SLC25A26: variants seen among roughly 807,000 people sequenced by gnomAD.
SLC25A26 encodes solute carrier family 25 member 26, also known as mitochondrial S-adenosylmethionine carrier protein.
Under a neutral mutation model 37.8 loss-of-function variants are expected in SLC25A26, and 36 were observed. The ratio of observed to expected loss-of-function variants is 0.95; its 90% CI spans 0.73 to 1.26. The LOEUF is 1.26. Among genes scored for constraint, SLC25A26 ranks in the 50% most tolerant of loss-of-function variants. The pLI is 0.00. For missense variants in SLC25A26, 390 were observed against 331.1 expected, an observed-to-expected ratio of 1.18 and a Z score of -1.38; for synonymous variants, 129 against 122.5, an observed-to-expected ratio of 1.05 and a Z score of -0.35.
At position 66,209,900 on chromosome 3, in the gene SLC25A26, A is replaced by ATATT. The variant is rs1553656265; in HGVS notation, c.-353-10839_-353-10838insTTAT. ...TACTCCTCTCTCTCTCTCTCTATTT[A>ATATT]TATATATATATATATATATATATAT... On this transcript the variant is annotated intron_variant, in intron 1 of 10. Transcript: ENST00000676754. Among the ~76,000 whole-genome samples the ATATT allele has an allele frequency of 8.9e-3, 107 of 11,996 alleles. 3 individuals are homozygous for ATATT. The highest frequency in any genetic ancestry group is 0.056 in the Middle Eastern group (1 of 18). The allele number at this position is 11,996 out of a possible 152,430, so 7.9% of individuals were successfully genotyped here.
At chr3:66,162,221 A>G (rs958589541) in intron 1 of SLC25A26, among the ~76,000 whole-genome samples, 1 of 152,048 alleles carries the variant, frequency 6.6e-6, no homozygotes, top group Admixed American at 6.6e-5. Context: ...CATGAGTCAC[A>G]TGGGATTAGG....
chr3:66,174,509 G>C (rs1388512973), intron 1 of SLC25A26, among the ~76,000 whole-genome samples: 1 of 152,208 alleles, frequency 6.6e-6, no homozygotes, highest in Non-Finnish European at 1.5e-5. Flanking sequence ...GGCTAGGCGT[G>C]GTGGCTCAGG....
At chr3:66,301,383 T>G (rs2107559073) in intron 5 of SLC25A26, among the ~76,000 whole-genome samples, 1 of 152,352 alleles carries the variant, frequency 6.6e-6, no homozygotes, top group South Asian at 2.1e-4. Flanking sequence ...CCTTGCATCT[T>G]TGATGGGCGT....
chr3:66,376,367 C>G (rs1700649464), intron 9 of SLC25A26, among the ~76,000 whole-genome samples: 1 of 152,008 alleles, frequency 6.6e-6, no homozygotes, highest in Non-Finnish European at 1.5e-5. Context: ...AGAAATCTTT[C>G]ATGAAAAGAA....
intron 5 of SLC25A26, among the ~76,000 whole-genome samples, chr3:66,302,182 A>C (rs9842170): frequency 0.046 from 7,052 of 152,198 alleles, 534 homozygotes; most frequent in African/African-American, 0.16. Context: ...CCTCCCTCTG[A>C]ATTTGCCCAC....
At position 66,374,686 on chromosome 3, in the gene SLC25A26, C is replaced by G. The variant is rs574338479; in HGVS notation, c.708-3004C>G. On this transcript the variant is annotated intron_variant, in intron 9 of 9. Transcript: ENST00000354883. ...ATGGCTTGAGCCCAAGAGTTCAAGA[C>G]CAGCCTAGGCAACATGCCAAACCCT... is the stretch of plus-strand genomic sequence containing the variant. Among the ~76,000 whole-genome samples the G allele has an allele frequency of 6.6e-5, 10 of 152,264 alleles. 1 individual carries two copies. In the South Asian group the frequency reaches 2.1e-3, roughly 32 times the overall value.
At chr3:66,329,293 G>A (rs2075914288) in intron 5 of SLC25A26, among the ~76,000 whole-genome samples, 1 of 151,894 alleles carries the variant, frequency 6.6e-6, no homozygotes, top group East Asian at 1.9e-4. Flanking sequence ...TCTTTTTAAT[G>A]TGTCATACTT....
intron 3 of SLC25A26, among the ~76,000 whole-genome samples, chr3:66,255,966 C>A (rs2073284859): frequency 6.6e-6 from 1 of 152,078 alleles, no homozygotes; most frequent in South Asian, 2.1e-4. Flanking sequence ...TTTTCTTCTG[C>A]ATCTGTATTT....
chr3:66,343,043 G>C (rs1371661028), intron 5 of SLC25A26, among the ~76,000 whole-genome samples: 1 of 152,130 alleles, frequency 6.6e-6, no homozygotes, highest in Non-Finnish European at 1.5e-5. Context: ...AAACATTTTA[G>C]AATAACAGCC....
At chr3:66,210,170 G>T (rs2071265641) in intron 1 of SLC25A26, among the ~76,000 whole-genome samples, 1 of 150,706 alleles carries the variant, frequency 6.6e-6, no homozygotes, top group Non-Finnish European at 1.5e-5. Flanking sequence ...GATGTATCTG[G>T]GACTGAGTAT....
intron 1 of SLC25A26, among the ~76,000 whole-genome samples, chr3:66,143,485 T>C (rs2070067586): frequency 6.6e-6 from 1 of 152,172 alleles, no homozygotes; most frequent in African/African-American, 2.4e-5. Context: ...AGATCCCTCC[T>C]TTTCTGGAAC....
chr3:66,208,550 C>T (rs1285334586), intron 1 of SLC25A26, among the ~76,000 whole-genome samples: 1 of 151,260 alleles, frequency 6.6e-6, no homozygotes, highest in Admixed American at 6.7e-5. Context: ...CCGGGACCCT[C>T]CCTGTAGCAG....
chr3:66,252,771 G>A (rs1310327854), intron 3 of SLC25A26, among the ~76,000 whole-genome samples: 1 of 152,206 alleles, frequency 6.6e-6, no homozygotes, highest in Non-Finnish European at 1.5e-5. Context: ...AAGAAGTTTA[G>A]TGATGTGCTC....
intron 1 of SLC25A26, among the ~76,000 whole-genome samples, chr3:66,168,140 C>A: frequency 6.8e-6 from 1 of 147,192 alleles, no homozygotes; most frequent in African/African-American, 2.6e-5. Flanking sequence ...GCAACAAGAG[C>A]AAAACTCAGT....
At chr3:66,348,962 A>G (rs1157484466) in intron 6 of SLC25A26, among the ~76,000 whole-genome samples, 1 of 152,226 alleles carries the variant, frequency 6.6e-6, no homozygotes, top group Non-Finnish European at 1.5e-5. Context: ...GCTGTCCAGC[A>G]AACAAGACTT....
intron 3 of SLC25A26, among the ~76,000 whole-genome samples, chr3:66,253,762 A>T (rs2073188632): frequency 6.6e-6 from 1 of 152,214 alleles, no homozygotes; most frequent in Non-Finnish European, 1.5e-5. Flanking sequence ...AAGCAAATAC[A>T]GTCACCATTG....
At chr3:66,224,202 C>G (rs1553659652) in intron 1 of SLC25A26, among the ~76,000 whole-genome samples, 1 of 152,170 alleles carries the variant, frequency 6.6e-6, no homozygotes, top group East Asian at 1.9e-4. Flanking sequence ...TCCAAAATAG[C>G]ACTAAGTATT....
chr3:66,333,287 A>G (rs751637949), intron 5 of SLC25A26, among the ~76,000 whole-genome samples: 7 of 151,958 alleles, frequency 4.6e-5, no homozygotes, highest in Non-Finnish European at 1.0e-4. Flanking sequence ...ACTGCTGTTC[A>G]TCTTATTAGA....
intron 5 of SLC25A26, among the ~76,000 whole-genome samples, chr3:66,296,329 A>T (rs2074902137): frequency 6.6e-6 from 1 of 152,202 alleles, no homozygotes; most frequent in Non-Finnish European, 1.5e-5. Context: ...ATGCTTTTCC[A>T]TGCATGGTTT....
Sources: gnomAD v4.1 joint callset for allele counts (sites outside exome capture counted in the v4.1 genomes callset) on GRCh38, gnomAD v4.1.1 for gene constraint, MANE v1.5 for transcripts, NCBI Gene and HGNC (gene_info 2026-07-23, HGNC 2026-07-21) for gene names.